The following PSMC6 variants were observed in gnomAD, a reference collection of about 807,000 sequenced individuals.
The protein encoded by PSMC6 is proteasome 26S subunit, ATPase 6, also known as 26S proteasome regulatory subunit 10B.
A neutral mutation model predicts 55.9 loss-of-function variants in PSMC6; 3 were observed. The ratio of observed to expected loss-of-function variants is 0.05; its 90% CI spans 0.02 to 0.14. PSMC6 has a LOEUF of 0.14. PSMC6 is among the 10% of genes least tolerant of loss of function. PSMC6 has a pLI of 1.00. For synonymous variants in PSMC6, 137 were observed against 155.9 expected (o/e 0.88, Z 0.90); for missense variants, 210 against 478.7 (o/e 0.44, Z 5.24).
chr14:52,709,661 G>A, intron 4 of PSMC6: 1 of 438,192 alleles, frequency 2.3e-6, no homozygotes, highest in South Asian at 1.6e-5. Flanking sequence ...AAAAACATTA[G>A]AAAAGCCGAA....
chr14:52,725,349 G>A (rs550708617), intron 13 of PSMC6, among the ~76,000 whole-genome samples: 1 of 152,244 alleles, frequency 6.6e-6, no homozygotes, highest in Non-Finnish European at 1.5e-5. Flanking sequence ...GATTAAAATT[G>A]TAGTTCTTTT....
Position 52,707,235 on chromosome 14 carries a change from G to C in PSMC6, c.16G>C (p.Asp6His), listed in dbSNP as rs542227590. 1 of 1,614,020 alleles carries C rather than the reference G, an allele frequency of 6.2e-7. No individual in the cohort carries two copies. Among genetic ancestry groups the C allele is most frequent in the African/African-American group, 1.3e-5 (1 of 75,024 alleles). The change falls in exon 1 of 14, where the codon GAT becomes CAT. Residue 6 changes from aspartate (D) to histidine (H), a missense_variant. By Grantham distance (81) the Asp-to-His change is moderately conservative. Around this residue, in one of 4 missense-constraint regions of PSMC6, gnomAD observed 26 missense variants for 16.9 expected, o/e 1.54. Transcript: ENST00000445930. MADPRDKALQDYRKKL... is the reference protein window; with the variant it reads MADPRHKALQDYRKKL... ...GCTTCTCATCATGGCGGACCCTAGA[G>C]ATAAGGCGCTTCAGGACTACCGCAA...
In PSMC6 at chr14:52,714,133, C is replaced by T. The variant is rs541766576; in HGVS notation, c.529+165C>T. ...TGGGCTAACTGCAACCTCTGCCTTC[C>T]GGGCTCAAGTGATTCTCCCACCTCA... On this transcript the variant is annotated intron_variant, in intron 7 of 13. Transcript: ENST00000445930. 2.0e-5 allele frequency: 9 copies of T among 444,854 alleles called. No individual in the cohort carries two copies. In the South Asian group the frequency reaches 3.2e-4, roughly 16 times the overall value. 27.6% of individuals were successfully genotyped at this position (444,854 alleles called of 1,614,324 possible).
chr14:52,724,728 C>T (rs912899534), intron 13 of PSMC6, among the ~76,000 whole-genome samples: 12 of 151,998 alleles, frequency 7.9e-5, no homozygotes, highest in Admixed American at 7.2e-4. Context: ...TTTTTATTTC[C>T]AGTACCAAGT....
At chr14:52,724,969 T>C (rs988992919) in intron 13 of PSMC6, among the ~76,000 whole-genome samples, 3 of 152,218 alleles carry the variant, frequency 2.0e-5, no homozygotes, top group East Asian at 1.9e-4. Flanking sequence ...GGTATCTTCA[T>C]GGGTATTGGG....
At chr14:52,716,896 A>G (rs1486133606) in intron 7 of PSMC6, among the ~76,000 whole-genome samples, 4 of 152,260 alleles carry the variant, frequency 2.6e-5, no homozygotes, top group African/African-American at 9.6e-5. Context: ...ACAGAAAGAC[A>G]GTTACCACAT....
At chr14:52,716,119 A>G (rs1456138603) in intron 7 of PSMC6, among the ~76,000 whole-genome samples, 1 of 152,254 alleles carries the variant, frequency 6.6e-6, no homozygotes, top group Non-Finnish European at 1.5e-5. Context: ...AGGATAGACC[A>G]ATGTATTTTA....
At chr14:52,714,037 A>AT in intron 7 of PSMC6, 69 bp downstream of exon 7, 2 of 1,071,944 alleles carry the variant, frequency 1.9e-6, no homozygotes, top group South Asian at 1.5e-5. Flanking sequence ...AAAAAAGACA[A>AT]TTTTTTTATT....
At chr14:52,709,617 G>A in intron 4 of PSMC6, 1 of 455,686 alleles carries the variant, frequency 2.2e-6, no homozygotes, top group Non-Finnish European at 4.4e-6. Flanking sequence ...AGATATTTCA[G>A]GTTGCATGAG....
At chr14:52,710,706 C>T (rs1318007648) in intron 4 of PSMC6, 3 of 222,634 alleles carry the variant, frequency 1.3e-5, no homozygotes, top group East Asian at 1.4e-4. Context: ...ACACATTCTT[C>T]CCAGAAGCTG....
chr14:52,711,080 T>C (rs767545758), intron 4 of PSMC6, 21 bp from the exon 5 acceptor site: 20 of 1,574,860 alleles, frequency 1.3e-5, no homozygotes, highest in Non-Finnish European at 1.7e-5. Context: ...TGATGTAATA[T>C]CTTTTGTTTT....
intron 4 of PSMC6, chr14:52,710,806 G>A (rs1490029649): frequency 2.7e-5 from 10 of 367,478 alleles, no homozygotes; most frequent in Non-Finnish European, 5.0e-5. Flanking sequence ...TTCTATAAAT[G>A]CTTTGGTAGC....
chr14:52,720,857 T>G lies in PSMC6; in HGVS notation c.778-4T>G. 6.3e-7 allele frequency: 1 copy of G among 1,584,128 alleles called. No individual in the cohort carries two copies. Among genetic ancestry groups the G allele is most frequent in the East Asian group, 2.3e-5 (1 of 44,444 alleles). On this transcript the variant is annotated splice_region_variant and splice_polypyrimidine_tract_variant and intron_variant, in intron 10 of 13. Transcript: ENST00000445930. ...TTGTAAAATCTGATTCTTAATATTC[T>G]TAGTTACTGAATCAAATGGATGGAT...
intron 13 of PSMC6, among the ~76,000 whole-genome samples, chr14:52,727,145 C>T (rs1442898577): frequency 2.0e-5 from 3 of 151,336 alleles, no homozygotes; most frequent in East Asian, 1.9e-4. Context: ...CTTAGCCTCC[C>T]GAGTAGCTGG....
intron 13 of PSMC6, among the ~76,000 whole-genome samples, chr14:52,724,298 G>A (rs1400622627): frequency 6.6e-6 from 1 of 152,164 alleles, no homozygotes; most frequent in South Asian, 2.1e-4. Context: ...TGCCTTCCAG[G>A]ATCACCCAGC....
intron 12 of PSMC6, 89 bp from the exon 13 acceptor site, chr14:52,723,876 T>C: frequency 6.5e-7 from 1 of 1,547,000 alleles, no homozygotes; most frequent in Admixed American, 2.0e-5. Context: ...AAACTCAAAG[T>C]AAGCTCTTCA....
Position 52,713,347 on chromosome 14 carries a change from C to T in PSMC6, c.442-534C>T, listed in dbSNP as rs531549691. Reference sequence around the variant, plus strand: ...GAATCAGTCTTGAGAGCAGAACATACTGTTCTTTAAAAGCTGCCGTGGCAA... The same window carrying T: ...GAATCAGTCTTGAGAGCAGAACATATTGTTCTTTAAAAGCTGCCGTGGCAA... On this transcript the variant is annotated intron_variant, in intron 6 of 13. Coordinates refer to ENST00000445930, the MANE Select transcript of PSMC6 (RefSeq NM_002806.5). 1.4e-3 allele frequency among the ~76,000 whole-genome samples: 219 copies of T among 152,324 alleles called. 2 individuals carry two copies. Among genetic ancestry groups the T allele is most frequent in the African/African-American group, 5.1e-3 (212 of 41,576 alleles).
At chr14:52,725,379 A>T (rs1880371615) in intron 13 of PSMC6, among the ~76,000 whole-genome samples, 1 of 152,222 alleles carries the variant, frequency 6.6e-6, no homozygotes. Context: ...TGGGACATTC[A>T]CATCTGGAAA....
At chr14:52,708,743 C>G in intron 3 of PSMC6, 21 bp from the exon 4 acceptor site, 1 of 1,610,790 alleles carries the variant, frequency 6.2e-7, no homozygotes, top group Non-Finnish European at 8.5e-7. Context: ...TCAATTAGTT[C>G]TTTTATGTTT....
Sources: gnomAD v4.1 joint callset for allele counts (sites outside exome capture counted in the v4.1 genomes callset) on GRCh38, gnomAD v4.1.1 for gene constraint, gnomAD v4.1.1 regional missense constraint, MANE v1.5 for transcripts, NCBI Gene and HGNC (gene_info 2026-07-23, HGNC 2026-07-21) for gene names.